The following SPTBN1 variants were observed in gnomAD, a reference collection of about 807,000 sequenced individuals.
The protein encoded by SPTBN1 is spectrin beta chain, non-erythrocytic 1.
A neutral mutation model predicts 266.4 loss-of-function variants in SPTBN1; 32 were observed. That is an observed-to-expected ratio of 0.12 (90% CI 0.09 to 0.16). The LOEUF is 0.16. Among genes scored for constraint, SPTBN1 ranks in the 10% least tolerant of loss-of-function variants. The pLI, the probability that SPTBN1 is intolerant of heterozygous loss-of-function variation, is 1.00. For synonymous variants in SPTBN1, 1,336 were observed against 1,162.2 expected (o/e 1.15, Z -3.04); for missense variants, 2,296 against 3,067.1 (o/e 0.75, Z 5.94).
At chr2:54,579,752 G>A (rs540568582) in intron 2 of SPTBN1, among the ~76,000 whole-genome samples, 1 of 152,336 alleles carries the variant, frequency 6.6e-6, no homozygotes, top group Non-Finnish European at 1.5e-5. Context: ...GTAGGAACCA[G>A]TTTTAGCCAA....
At chr2:54,597,451 C>CT (rs1307148915) in intron 2 of SPTBN1, among the ~76,000 whole-genome samples, 1 of 152,194 alleles carries the variant, frequency 6.6e-6, no homozygotes, top group East Asian at 1.9e-4. Flanking sequence ...TAATCCTGTC[C>CT]TTTTTGATCC....
chr2:54,656,734 C>T (rs1485896113), intron 29 of SPTBN1, among the ~76,000 whole-genome samples: 1 of 152,172 alleles, frequency 6.6e-6, no homozygotes, highest in Non-Finnish European at 1.5e-5. Flanking sequence ...AGAGGTTTGA[C>T]GGCACACTCT....
At position 54,571,989 on chromosome 2, in the gene SPTBN1, A is replaced by T. The variant is rs1187791049; in HGVS notation, c.149-27103A>T. On this transcript the variant is annotated intron_variant, in intron 2 of 35. Transcript: ENST00000356805. ...CTATCTACTTTTTTTGATAAAATGAAGTTTAATATGACCCTAGTGACAACC... is the reference window on the plus strand; with the variant it reads ...CTATCTACTTTTTTTGATAAAATGATGTTTAATATGACCCTAGTGACAACC... Among the ~76,000 whole-genome samples, 14 of 152,254 alleles carry T rather than the reference A, an allele frequency of 9.2e-5. No individual in the cohort carries two copies. The East Asian group carries it at 2.7e-3, about 29-fold the overall frequency.
chr2:54,642,851 A>T, intron 18 of SPTBN1, 132 bp from the exon 19 acceptor site: 1 of 1,149,086 alleles, frequency 8.7e-7, no homozygotes, highest in Non-Finnish European at 1.2e-6. Context: ...TTGTGAAGTT[A>T]AATATTTGGT....
intron 4 of SPTBN1, among the ~76,000 whole-genome samples, chr2:54,613,261 CTG>C (rs1240830323): frequency 2.0e-5 from 3 of 152,232 alleles, no homozygotes; most frequent in Non-Finnish European, 4.4e-5. Flanking sequence ...TCCTCAGTGA[CTG>C]TGTTCTCTTG....
intron 1 of SPTBN1, among the ~76,000 whole-genome samples, chr2:54,524,367 A>T (rs1670671422): frequency 6.6e-6 from 1 of 152,140 alleles, no homozygotes; most frequent in South Asian, 2.1e-4. Context: ...AATTTAAAAT[A>T]TGCGGGAATT....
chr2:54,533,740 G>A lies in SPTBN1; in HGVS notation c.148+7174G>A, dbSNP rs558183051. Among the ~76,000 whole-genome samples the A allele has an allele frequency of 2.0e-5, 3 of 152,050 alleles. No individual in the cohort carries two copies. The highest frequency in any genetic ancestry group is 7.2e-5 in the African/African-American group (3 of 41,388). ...TAATTTTTGTATTTTTAGTAGAGAC[G>A]GGGTTTCACCATGTTGGCCAGGCTG... On this transcript the variant is annotated intron_variant, in intron 2 of 35. Coordinates refer to ENST00000356805, the MANE Select transcript of SPTBN1 (RefSeq NM_003128.3). The surrounding 1 kb of genome is among the most constrained non-coding windows in gnomAD (Gnocchi z 4.2).
intron 2 of SPTBN1, among the ~76,000 whole-genome samples, chr2:54,543,664 G>A (rs913220270): frequency 1.3e-5 from 2 of 151,744 alleles, no homozygotes; most frequent in Admixed American, 6.6e-5. Context: ...TTCCTGTTTC[G>A]GATTTGCACT....
chr2:54,609,693 A>C lies in SPTBN1; in HGVS notation c.301-2468A>C, dbSNP rs146458194. ...TGTCAGTGCCTTCAGTGTTGAACTC[A>C]TGGGGTTCTGGGTGGGGGCATTATC... On this transcript the variant is annotated intron_variant, in intron 3 of 35. Coordinates refer to ENST00000356805, the MANE Select transcript of SPTBN1 (RefSeq NM_003128.3). Among the ~76,000 whole-genome samples, 1,115 of 152,166 alleles carry C rather than the reference A, an allele frequency of 7.3e-3. 8 individuals carry two copies. The highest frequency in any genetic ancestry group is 0.011 in the Non-Finnish European group (726 of 68,002).
At chr2:54,526,651 CT>C in intron 2 of SPTBN1, 85 bp downstream of exon 2, 2 of 1,447,092 alleles carry the variant, frequency 1.4e-6, no homozygotes, top group Non-Finnish European at 1.8e-6. Flanking sequence ...TCCCATGACG[CT>C]GTCATGTTCG....
intron 2 of SPTBN1, chr2:54,546,631 C>G (rs1672253595): frequency 6.6e-6 from 1 of 152,324 alleles, no homozygotes; most frequent in East Asian, 1.9e-4. Context: ...CTAATGACAA[C>G]TCTGTGGGAA....
chr2:54,649,977 T>C lies in SPTBN1; in HGVS notation c.5565T>C (p.Ala1855=). The change falls in exon 26 of 36, where the codon GCT becomes GCC. Residue 1855 remains alanine (A), a synonymous_variant. Coordinates refer to ENST00000356805, the MANE Select transcript of SPTBN1 (RefSeq NM_003128.3). The surrounding 1 kb of genome is among the most constrained non-coding windows in gnomAD (Gnocchi z 6.7). ...CTACATTTGAGCATGACATCCAGGC[T>C]CTGGGCACACAGGTGGGTATGGCAG... ...MHTTFEHDIQ[A]LGTQVRQLQE... 6.2e-7 allele frequency: 1 copy of C among 1,608,290 alleles called. No individual in the cohort carries two copies. The highest frequency in any genetic ancestry group is 8.5e-7 in the Non-Finnish European group (1 of 1,176,492).
At chr2:54,542,138 C>T (rs377637857) in intron 2 of SPTBN1, among the ~76,000 whole-genome samples, 22 of 152,246 alleles carry the variant, frequency 1.4e-4, no homozygotes, top group Middle Eastern at 3.4e-3. Flanking sequence ...TAACTATGTG[C>T]CAGGCACTGT....
At position 54,623,631 on chromosome 2, in the gene SPTBN1, C is replaced by A. The variant is rs201736768; in HGVS notation, c.1182+35C>A. The stretch of plus-strand genomic sequence containing the variant: ...ATCTGGACTCTGCATGGGCCCTGAC[C>A]TCCTGGAGGCTTCAGGTTCTATCAC... On this transcript the variant is annotated intron_variant, in intron 10 of 35. Coordinates refer to ENST00000356805, the MANE Select transcript of SPTBN1 (RefSeq NM_003128.3). 1.0e-4 allele frequency: 153 copies of A among 1,535,868 alleles called. 1 individual carries two copies. The African/African-American group carries it at 1.7e-3, about 17-fold the overall frequency.
chr2:54,561,744 T>C (rs1467347616), intron 2 of SPTBN1, among the ~76,000 whole-genome samples: 4 of 148,474 alleles, frequency 2.7e-5, no homozygotes, highest in Non-Finnish European at 3.0e-5. Flanking sequence ...TCGAGTTATA[T>C]ATTTATATAT....
At chr2:54,624,507 C>T (rs963261179) in intron 10 of SPTBN1, among the ~76,000 whole-genome samples, 1 of 152,164 alleles carries the variant, frequency 6.6e-6, no homozygotes, top group Non-Finnish European at 1.5e-5. Context: ...TTTATTTCCT[C>T]TTAAAGTAAG....
At chr2:54,479,923 G>C (rs575005541) in intron 1 of SPTBN1, among the ~76,000 whole-genome samples, 1 of 151,498 alleles carries the variant, frequency 6.6e-6, no homozygotes, top group Non-Finnish European at 1.5e-5. Context: ...TCTAACTCCT[G>C]CGCTCAAGTG....
chr2:54,645,544 T>C lies in SPTBN1; in HGVS notation c.4494+91T>C. The C allele has an allele frequency of 7.3e-7, 1 of 1,361,926 alleles. No homozygotes were observed. Among genetic ancestry groups the C allele is most frequent in the Non-Finnish European group, 1.0e-6 (1 of 995,084 alleles). 84.4% of individuals were successfully genotyped at this position (1,361,926 alleles called of 1,614,324 possible). A position where few individuals can be genotyped will look rare whatever the true frequency, so the allele number is the denominator to read the frequency against. On this transcript the variant is annotated intron_variant, in intron 21 of 35. Transcript: ENST00000356805. This position sits in a 1 kb window ranked among gnomAD's most constrained non-coding sequence, Gnocchi z 4.3. The stretch of plus-strand genomic sequence containing the variant: ...TTCTCACTTCTCAGTCATCCTCACC[T>C]TGGGCCACGTTGGCAAGCTGAGCTG...
chr2:54,512,322 T>C (rs1478964913), intron 1 of SPTBN1, among the ~76,000 whole-genome samples: 2 of 152,228 alleles, frequency 1.3e-5, no homozygotes, highest in Non-Finnish European at 2.9e-5. Flanking sequence ...TTTTGTTTAT[T>C]TGAAAGGTTA....
Sources: gnomAD v4.1 joint callset for allele counts (sites outside exome capture counted in the v4.1 genomes callset) on GRCh38, gnomAD v4.1.1 for gene constraint, Gnocchi (gnomAD v3.1) non-coding constraint, MANE v1.5 for transcripts, NCBI Gene and HGNC (gene_info 2026-07-23, HGNC 2026-07-21) for gene names.